The following PSTPIP1 variants were observed in gnomAD, a reference collection of about 807,000 sequenced individuals.
PSTPIP1 encodes the protein proline-serine-threonine phosphatase interacting protein 1, also known as proline-serine-threonine phosphatase-interacting protein 1.
A neutral mutation model predicts 69.6 loss-of-function variants in PSTPIP1; 66 were observed. That is an observed-to-expected ratio of 0.95 (90% confidence interval 0.78 to 1.16). The LOEUF (loss-of-function observed/expected upper bound fraction) is 1.16. Ranked by LOEUF, PSTPIP1 falls within the 50% of genes most tolerant of loss-of-function variation. PSTPIP1 has a pLI of 0.00. For missense variants in PSTPIP1, 603 were observed against 557.4 expected, an observed-to-expected ratio of 1.08 and a Z score of -0.82; for synonymous variants, 266 against 222.7, an observed-to-expected ratio of 1.19 and a Z score of -1.73.
At chr15:77,029,663 C>A in intron 8 of PSTPIP1, 89 bp downstream of exon 8, 1 of 1,373,800 alleles carries the variant, frequency 7.3e-7, no homozygotes, top group Non-Finnish European at 1.0e-6. Flanking sequence ...GACACACACA[C>A]TCCCCCTGGC....
intron 3 of PSTPIP1, among the ~76,000 whole-genome samples, chr15:77,023,419 G>T (rs1008078889): frequency 6.6e-6 from 1 of 152,252 alleles, no homozygotes; most frequent in Non-Finnish European, 1.5e-5. Flanking sequence ...AGGGCTGACA[G>T]GTGGGAGGTG....
chr15:77,031,246 C>T lies in PSTPIP1; in HGVS notation c.709C>T (p.Gln237Ter). 6.2e-7 allele frequency: 1 copy of T among 1,613,110 alleles called. No homozygotes were observed. The highest frequency in any genetic ancestry group is 8.5e-7 in the Non-Finnish European group (1 of 1,179,664). ...LRNALWVHSN[Q>*]LSMQCVKDDE... ...CAACGCCCTGTGGGTGCACAGCAACCAGCTCTCCATGCAGTGTGTCAAGGA... is the reference window on the plus strand; with the variant it reads ...CAACGCCCTGTGGGTGCACAGCAACTAGCTCTCCATGCAGTGTGTCAAGGA... The change falls in exon 10 of 15, where the codon CAG (glutamine) becomes TAG (stop). Residue 237 changes from glutamine (Q) to a stop codon, truncating the protein, a stop_gained. Coordinates refer to ENST00000558012, the MANE Select transcript of PSTPIP1 (RefSeq NM_003978.5). LOFTEE classifies it high-confidence loss of function.
At chr15:77,013,959 C>G (rs1267334945) in intron 1 of PSTPIP1, among the ~76,000 whole-genome samples, 1 of 152,136 alleles carries the variant, frequency 6.6e-6, no homozygotes, top group African/African-American at 2.4e-5. Context: ...TGACTCATTT[C>G]TTCCAGCCTG....
In PSTPIP1 at chr15:77,035,788, C is replaced by T. The variant is rs1188936079; in HGVS notation, c.986-14C>T. On this transcript the variant is annotated splice_polypyrimidine_tract_variant and intron_variant, in intron 13 of 14. Coordinates refer to ENST00000558012, the MANE Select transcript of PSTPIP1 (RefSeq NM_003978.5). The stretch of plus-strand genomic sequence containing the variant: ...CCCAGAAGGGGAGGGGTCTATGTCT[C>T]ACCCTGCTCTTAGCGTCCACAGAGA... 6.2e-7 allele frequency: 1 copy of T among 1,602,610 alleles called. No individual in the cohort carries two copies. Among genetic ancestry groups the T allele is most frequent in the East Asian group, 2.2e-5 (1 of 44,832 alleles).
intron 1 of PSTPIP1, chr15:77,008,215 T>C: frequency 2.7e-6 from 1 of 366,630 alleles, no homozygotes; most frequent in Non-Finnish European, 5.5e-6. Context: ...TGGGGATATC[T>C]GTGAGGATTC....
At chr15:77,030,712 C>A in intron 9 of PSTPIP1, 131 bp downstream of exon 9, 1 of 940,296 alleles carries the variant, frequency 1.1e-6, no homozygotes, top group Non-Finnish European at 1.5e-6. Context: ...GTTTATTCAG[C>A]CTCCTGCTCA....
chr15:77,036,229 C>T (rs867040506), intron 14 of PSTPIP1, among the ~76,000 whole-genome samples: 15 of 152,154 alleles, frequency 9.9e-5, no homozygotes, highest in African/African-American at 3.1e-4. Context: ...GGCCTGTACA[C>T]AGCACACACG....
At chr15:77,030,228 G>A (rs1240025231) in intron 8 of PSTPIP1, among the ~76,000 whole-genome samples, 1 of 152,174 alleles carries the variant, frequency 6.6e-6, no homozygotes, top group African/African-American at 2.4e-5. Context: ...GAGGTGGGGC[G>A]CCCAGAGATG....
At chr15:77,018,109 G>T in intron 1 of PSTPIP1, 39 bp from the exon 2 acceptor site, 1 of 1,546,268 alleles carries the variant, frequency 6.5e-7, no homozygotes, top group Non-Finnish European at 8.8e-7. Context: ...AGTGTCGCCT[G>T]GTCGTGGCCC....
chr15:76,995,743 T>C (rs1388867817), intron 1 of PSTPIP1, 134 bp downstream of exon 1: 2 of 1,511,794 alleles, frequency 1.3e-6, no homozygotes, highest in Non-Finnish European at 1.8e-6. Flanking sequence ...TGGTCTTAAT[T>C]GTCATGGAGG....
At chr15:77,034,585 T>C (rs2076508972) in intron 12 of PSTPIP1, among the ~76,000 whole-genome samples, 1 of 151,730 alleles carries the variant, frequency 6.6e-6, no homozygotes, top group Admixed American at 6.6e-5. Context: ...ACACCCAAAT[T>C]GGTCCACTCC....
chr15:77,028,761 T>G, intron 7 of PSTPIP1, 109 bp downstream of exon 7: 2 of 962,576 alleles, frequency 2.1e-6, no homozygotes, highest in South Asian at 3.9e-5. Flanking sequence ...CTGGGGATGC[T>G]GCTTAGCCCT....
chr15:77,009,743 C>A (rs1309863123), intron 1 of PSTPIP1, among the ~76,000 whole-genome samples: 4 of 152,198 alleles, frequency 2.6e-5, no homozygotes, highest in Non-Finnish European at 5.9e-5. Context: ...GGAATCTGGG[C>A]TCAGGAGGTT....
At chr15:77,007,307 G>A (rs912183833) in intron 1 of PSTPIP1, among the ~76,000 whole-genome samples, 1 of 152,170 alleles carries the variant, frequency 6.6e-6, no homozygotes. Flanking sequence ...CAGCTTGCCT[G>A]GATAAAAATC....
intron 3 of PSTPIP1, among the ~76,000 whole-genome samples, chr15:77,024,601 C>A (rs1332879097): frequency 2.6e-5 from 4 of 152,176 alleles, no homozygotes; most frequent in African/African-American, 9.7e-5. Flanking sequence ...CTACAAGGGG[C>A]ATACTATACT....
Position 77,007,653 on chromosome 15 carries a change from G to A in PSTPIP1, c.37-10495G>A, listed in dbSNP as rs184554198. On this transcript the variant is annotated intron_variant, in intron 1 of 14. Coordinates refer to ENST00000558012, the MANE Select transcript of PSTPIP1 (RefSeq NM_003978.5). ...TCTGCTGCCCAAGCTGGAGTGCAGT[G>A]GCACAATCTCAGCTCACTGCAAGCT... Among the ~76,000 whole-genome samples the A allele has an allele frequency of 5.8e-3, 873 of 151,258 alleles. 9 individuals carry two copies. Among genetic ancestry groups the A allele is most frequent in the African/African-American group, 0.02 (839 of 41,190 alleles).
chr15:77,011,773 G>A (rs532211613), intron 1 of PSTPIP1, among the ~76,000 whole-genome samples: 1 of 152,194 alleles, frequency 6.6e-6, no homozygotes, highest in Admixed American at 6.5e-5. Context: ...CCTCTCTGTG[G>A]AACCAGACCT....
chr15:77,031,705 CCTTA>C (rs1362524737), intron 10 of PSTPIP1: 6 of 184,324 alleles, frequency 3.3e-5, no homozygotes, highest in African/African-American at 1.2e-4. Context: ...TCCTGGTTCC[CCTTA>C]CTGAGCCCAA....
intron 5 of PSTPIP1, among the ~76,000 whole-genome samples, chr15:77,026,351 G>T (rs766211878): frequency 6.6e-6 from 1 of 152,148 alleles, no homozygotes; most frequent in African/African-American, 2.4e-5. Flanking sequence ...GCACAGGGTG[G>T]CAGGGCAGCA....
Sources: gnomAD v4.1 joint callset for allele counts (sites outside exome capture counted in the v4.1 genomes callset) on GRCh38, gnomAD v4.1.1 for gene constraint, MANE v1.5 for transcripts, NCBI Gene and HGNC (gene_info 2026-07-23, HGNC 2026-07-21) for gene names.